The following HIVEP3 variants were observed in gnomAD, a reference collection of about 807,000 sequenced individuals.
HIVEP3 encodes the protein transcription factor HIVEP3.
In HIVEP3, 49 loss-of-function variants were observed where a neutral mutation model predicts 152.8. That is an observed-to-expected ratio of 0.32 (90% CI 0.26 to 0.41). HIVEP3 has a LOEUF of 0.41. Among genes scored for constraint, HIVEP3 ranks in the 10% least tolerant of loss-of-function variants. The pLI is 1.00. For missense variants in HIVEP3, 2,790 were observed against 3,103.3 expected (o/e 0.90, Z 2.40); for synonymous variants, 1,269 against 1,289.0 (o/e 0.98, Z 0.33).
At chr1:41,789,632 T>C (rs1182935238) in intron 1 of HIVEP3, among the ~76,000 whole-genome samples, 1 of 152,172 alleles carries the variant, frequency 6.6e-6, no homozygotes, top group African/African-American at 2.4e-5. Flanking sequence ...TTAAAGAACA[T>C]AAATAAATAC....
chr1:41,693,338 T>C (rs1217437245), intron 2 of HIVEP3, among the ~76,000 whole-genome samples: 1 of 152,242 alleles, frequency 6.6e-6, no homozygotes, highest in Non-Finnish European at 1.5e-5. Flanking sequence ...TCATTCTGCA[T>C]TTCCCCAAGT....
chr1:41,674,477 G>A (rs1021562235), intron 2 of HIVEP3, among the ~76,000 whole-genome samples: 3 of 152,202 alleles, frequency 2.0e-5, no homozygotes, highest in Admixed American at 2.0e-4. Flanking sequence ...GATTCTCAGG[G>A]CAGGAACCAG....
chr1:41,745,487 G>A (rs886258246), intron 1 of HIVEP3, among the ~76,000 whole-genome samples: 2 of 152,138 alleles, frequency 1.3e-5, no homozygotes, highest in African/African-American at 4.8e-5. Flanking sequence ...CTGAAAGATG[G>A]GCCAGGTCTA....
chr1:41,752,362 T>C (rs1043917982), intron 1 of HIVEP3, among the ~76,000 whole-genome samples: 1 of 152,222 alleles, frequency 6.6e-6, no homozygotes, highest in East Asian at 1.9e-4. Context: ...CAGCAGGCTC[T>C]GGGTGGACTG....
Position 41,582,913 on chromosome 1 carries a change from T to C in HIVEP3, c.1885A>G (p.Thr629Ala). 6.2e-7 allele frequency: 1 copy of C among 1,614,164 alleles called. No individual in the cohort carries two copies. Among genetic ancestry groups the C allele is most frequent in the Non-Finnish European group, 8.5e-7 (1 of 1,180,030 alleles). Residue 629 changes from threonine to alanine, a missense_variant, in exon 4 of 9, where the codon ACC (threonine) becomes GCC (alanine). Around this residue, in one of 9 missense-constraint regions of HIVEP3, gnomAD observed 339 missense variants for 327.0 expected, o/e 1.04. Transcript: ENST00000372583. The surrounding 1 kb of genome is among the most constrained non-coding windows in gnomAD (Gnocchi z 4.7). Reference sequence around the variant, plus strand: ...TTCAAACCCTTCTTGGTCTTTTTGGTAAGCTCGCTTTCCTTGGGTTCCACT... The same window carrying C: ...TTCAAACCCTTCTTGGTCTTTTTGGCAAGCTCGCTTTCCTTGGGTTCCACT... ...DEVEPKESEL[T>A]KKTKKGLKTK... is the part of the protein sequence containing the mutation.
At chr1:41,730,567 G>C (rs552920799) in intron 1 of HIVEP3, among the ~76,000 whole-genome samples, 29 of 152,366 alleles carry the variant, frequency 1.9e-4, no homozygotes, top group African/African-American at 6.7e-4. Context: ...GGGCCACCAG[G>C]GGCACGCTGC....
intron 1 of HIVEP3, among the ~76,000 whole-genome samples, chr1:41,704,405 T>C (rs2124134122): frequency 6.6e-6 from 1 of 152,366 alleles, no homozygotes; most frequent in African/African-American, 2.4e-5. Context: ...AATGGGCTCC[T>C]GGGAAAGGTG....
chr1:41,529,082 T>C (rs1204198796), intron 5 of HIVEP3, among the ~76,000 whole-genome samples: 1 of 50,772 alleles, frequency 2.0e-5, no homozygotes, highest in Non-Finnish European at 3.9e-5. Flanking sequence ...CTCACACACA[T>C]CCTCACCCCA....
chr1:41,820,663 A>C (rs1039580176), intron 1 of HIVEP3, among the ~76,000 whole-genome samples: 1 of 152,176 alleles, frequency 6.6e-6, no homozygotes, highest in South Asian at 2.1e-4. Flanking sequence ...TGTCCCTTGA[A>C]TTTTCTACTG....
chr1:41,738,145 C>T (rs1430366527), intron 1 of HIVEP3, among the ~76,000 whole-genome samples: 2 of 152,220 alleles, frequency 1.3e-5, no homozygotes, highest in African/African-American at 4.8e-5. Flanking sequence ...GGGAGGGACA[C>T]CCCATGTGGA....
chr1:41,918,932 A>AG (rs2124473580), upstream of HIVEP3, among the ~76,000 whole-genome samples: 1 of 152,262 alleles, frequency 6.6e-6, no homozygotes, highest in African/African-American at 2.4e-5. This position sits in a 1 kb window ranked among gnomAD's most constrained non-coding sequence, Gnocchi z 4.3. Flanking sequence ...CTTTTTTGAA[A>AG]GGGGGTTTAA....
chr1:41,680,617 T>C (rs1217085696), intron 2 of HIVEP3, among the ~76,000 whole-genome samples: 1 of 152,240 alleles, frequency 6.6e-6, no homozygotes, highest in Non-Finnish European at 1.5e-5. Context: ...TGCCCTGTGC[T>C]CTGCTCTGTG....
intron 1 of HIVEP3, among the ~76,000 whole-genome samples, chr1:41,713,001 G>A (rs183546611): frequency 1.2e-3 from 188 of 152,224 alleles, no homozygotes; most frequent in Admixed American, 2.4e-3. Flanking sequence ...TCAGACACAC[G>A]TGGTCCTTCC....
intron 1 of HIVEP3, among the ~76,000 whole-genome samples, chr1:41,742,768 G>A (rs570624373): frequency 4.6e-5 from 7 of 152,212 alleles, no homozygotes; most frequent in South Asian, 2.1e-4. Context: ...TCCCTCTGTC[G>A]CATCATCTTG....
intron 2 of HIVEP3, among the ~76,000 whole-genome samples, chr1:41,632,440 C>A (rs1322562473): frequency 6.6e-6 from 1 of 152,146 alleles, no homozygotes; most frequent in East Asian, 1.9e-4. Context: ...CAAAGGGAGT[C>A]ATGTAAGAAA....
intron 5 of HIVEP3, chr1:41,542,538 C>T (rs758393369): frequency 8.5e-5 from 13 of 152,202 alleles, no homozygotes; most frequent in African/African-American, 2.9e-4. Flanking sequence ...GTCAATATTC[C>T]GATGAAGTAG....
intron 1 of HIVEP3, among the ~76,000 whole-genome samples, chr1:41,899,734 A>C (rs759300620): frequency 5.3e-5 from 8 of 152,242 alleles, no homozygotes; most frequent in Non-Finnish European, 2.9e-5. Context: ...CACGCTCATG[A>C]AAGTGTCACC....
In HIVEP3 at chr1:41,584,709, C is replaced by T. The variant is rs763934984; in HGVS notation, c.89G>A (p.Ser30Asn). 1 of 1,556,980 alleles carries T rather than the reference C, an allele frequency of 6.4e-7. No homozygotes were observed. The highest frequency in any genetic ancestry group is 8.7e-7 in the Non-Finnish European group (1 of 1,154,222). ...TGGGTATGGGACGCTGGAAGAAACA[C>T]TGGTCTGAATGGCCTCTCCTTTGGT... The part of the protein sequence containing the change: ...RLTKGEAIQT[S>N]VSSSVPYPGS... Residue 30 changes from serine (S) to asparagine (N), a missense_variant, in exon 4 of 9, where the codon AGT becomes AAT. Around this residue, in one of 9 missense-constraint regions of HIVEP3, gnomAD observed 209 missense variants for 237.0 expected, o/e 0.88. Transcript: ENST00000372583. This position sits in a 1 kb window ranked among gnomAD's most constrained non-coding sequence, Gnocchi z 5.2.
chr1:41,544,298 G>C (rs1481631193), intron 5 of HIVEP3: 1 of 151,978 alleles, frequency 6.6e-6, no homozygotes, highest in Non-Finnish European at 1.5e-5. Context: ...ATCCTTACTA[G>C]AAACCAGTGA....
Sources: gnomAD v4.1 joint callset for allele counts (sites outside exome capture counted in the v4.1 genomes callset) on GRCh38, gnomAD v4.1.1 for gene constraint, gnomAD v4.1.1 regional missense constraint, Gnocchi (gnomAD v3.1) non-coding constraint, MANE v1.5 for transcripts, NCBI Gene and HGNC (gene_info 2026-07-23, HGNC 2026-07-21) for gene names.